The following RPS6KA2 variants were observed in gnomAD, a reference collection of about 807,000 sequenced individuals.
The protein encoded by RPS6KA2 is ribosomal protein S6 kinase alpha-2.
Under a neutral mutation model 91.8 loss-of-function variants are expected in RPS6KA2, and 42 were observed. That is an observed-to-expected ratio of 0.46 (90% CI 0.36 to 0.59). The LOEUF (loss-of-function observed/expected upper bound fraction) is 0.59. Ranked by LOEUF, RPS6KA2 falls within the 20% of genes least tolerant of loss-of-function variation. The probability of loss-of-function intolerance (pLI) is 0.00; values close to 1 mark genes in which losing one functional copy is unlikely to be tolerated. For missense variants in RPS6KA2, 798 were observed against 978.5 expected (o/e 0.82, Z 2.46); for synonymous variants, 414 against 393.6 (o/e 1.05, Z -0.61).
rs192413748 is a variant in RPS6KA2, at chr6:166,749,955, G to C, written c.123+108245C>G. 4.4e-3 allele frequency among the ~76,000 whole-genome samples: 665 copies of C among 151,944 alleles called. 9 individuals are homozygous for C. Among genetic ancestry groups the C allele is most frequent in the African/African-American group, 0.015 (641 of 41,454 alleles). ...GGATACTGAGTGAGGAAAACAGAGA[G>C]GGCGGTGGAGGTGGCCACACAGTCA... On this transcript the variant is annotated intron_variant, in intron 2 of 21. Coordinates refer to the RPS6KA2 transcript ENST00000503859.
chr6:166,547,777 T>G (rs1263074943), intron 1 of RPS6KA2, among the ~76,000 whole-genome samples: 5 of 152,218 alleles, frequency 3.3e-5, no homozygotes, highest in African/African-American at 1.2e-4. Context: ...AGTAACTGAG[T>G]CCGTGTTTTA....
chr6:166,455,578 G>T (rs150243447), intron 12 of RPS6KA2, among the ~76,000 whole-genome samples: 2 of 152,182 alleles, frequency 1.3e-5, no homozygotes, highest in East Asian at 3.8e-4. Flanking sequence ...AACTTCCAAC[G>T]CTCCAGACTA....
chr6:166,803,909 G>T (rs1779428004), intron 2 of RPS6KA2, among the ~76,000 whole-genome samples: 1 of 152,184 alleles, frequency 6.6e-6, no homozygotes, highest in African/African-American at 2.4e-5. Flanking sequence ...GTTAGAAAAT[G>T]TAATGTTGTT....
chr6:166,576,063 T>C, intron 1 of RPS6KA2, among the ~76,000 whole-genome samples: 1 of 152,154 alleles, frequency 6.6e-6, no homozygotes. Flanking sequence ...TCAGGAGATG[T>C]GATGGGTTTA....
chr6:166,429,527 T>G (rs1017208373), intron 16 of RPS6KA2, among the ~76,000 whole-genome samples: 8 of 152,218 alleles, frequency 5.3e-5, no homozygotes, highest in African/African-American at 1.7e-4. Flanking sequence ...CTTGGCTCAT[T>G]GCAACCTCTG....
rs1332639192 is a variant in RPS6KA2 at position 166,423,457 on chromosome 6, G to A, written c.1582-40C>T. On this transcript the variant is annotated intron_variant, in intron 16 of 20. Coordinates refer to ENST00000265678, the MANE Select transcript of RPS6KA2 (RefSeq NM_021135.6). This position sits in a 1 kb window ranked among gnomAD's most constrained non-coding sequence, Gnocchi z 4.8. ...GCACAGTGCCTACTTGGGGGCTGAG[G>A]ACTGAGCAGGAGAGGGAGGGCAGGT... The A allele has an allele frequency of 4.4e-6, 7 of 1,578,984 alleles. No individual in the cohort carries two copies. Among genetic ancestry groups the A allele is most frequent in the Non-Finnish European group, 6.1e-6 (7 of 1,155,196 alleles).
intron 3 of RPS6KA2, among the ~76,000 whole-genome samples, chr6:166,517,915 A>T (rs1352151680): frequency 6.6e-6 from 1 of 152,162 alleles, no homozygotes; most frequent in Non-Finnish European, 1.5e-5. Flanking sequence ...ACTTTTAGTA[A>T]ATCTTATGAC....
intron 3 of RPS6KA2, among the ~76,000 whole-genome samples, chr6:166,517,152 C>G (rs1216366931): frequency 6.6e-6 from 1 of 151,792 alleles, no homozygotes; most frequent in Non-Finnish European, 1.5e-5. Flanking sequence ...AAAATAAATC[C>G]CAGATCTATT....
chr6:166,540,493 T>G (rs1783620075), intron 1 of RPS6KA2, among the ~76,000 whole-genome samples: 1 of 152,164 alleles, frequency 6.6e-6, no homozygotes, highest in Non-Finnish European at 1.5e-5. Context: ...TAGCCAAAAT[T>G]GACTCTGTTT....
intron 1 of RPS6KA2, among the ~76,000 whole-genome samples, chr6:166,601,753 G>A (rs888558709): frequency 6.6e-6 from 1 of 152,080 alleles, no homozygotes; most frequent in South Asian, 2.1e-4. Flanking sequence ...AAGAATGCAA[G>A]TCATTAAAGA....
intron 2 of RPS6KA2, among the ~76,000 whole-genome samples, chr6:166,813,802 TTTCA>T (rs1169702154): frequency 3.3e-5 from 5 of 152,356 alleles, no homozygotes; most frequent in South Asian, 4.1e-4. Flanking sequence ...ATTATTCTTT[TTTCA>T]AAAGGAAATA....
At chr6:166,842,256 A>C (rs779283612) in intron 2 of RPS6KA2, among the ~76,000 whole-genome samples, 1 of 152,200 alleles carries the variant, frequency 6.6e-6, no homozygotes, top group Non-Finnish European at 1.5e-5. Flanking sequence ...GTCCCTCGAA[A>C]TGTGGCCTTG....
Position 166,849,299 on chromosome 6 carries a change from G to A in RPS6KA2, c.123+8901C>T, listed in dbSNP as rs991382127. Reference sequence around the variant, plus strand: ...CCATGCCTCTGCTGGTATGGCCCACGCAGAGCACTCCCTGTCACCCTATTT... The same window carrying A: ...CCATGCCTCTGCTGGTATGGCCCACACAGAGCACTCCCTGTCACCCTATTT... On this transcript the variant is annotated intron_variant, in intron 2 of 21. Coordinates refer to the RPS6KA2 transcript ENST00000503859. The surrounding 1 kb of genome is among the most constrained non-coding windows in gnomAD (Gnocchi z 4.9). 2.6e-5 allele frequency among the ~76,000 whole-genome samples: 4 copies of A among 152,206 alleles called. No homozygotes were observed. The highest frequency in any genetic ancestry group is 2.1e-4 in the South Asian group (1 of 4,828).
In RPS6KA2 at chr6:166,459,421, C is replaced by A; in HGVS notation, c.1075+28G>T. ...TAAGGGGTCAGGTGGGAGAAGCCACCGATAGAGGGAACCACTGTGGCACAC... is the reference window on the plus strand; with the variant it reads ...TAAGGGGTCAGGTGGGAGAAGCCACAGATAGAGGGAACCACTGTGGCACAC... On this transcript the variant is annotated intron_variant, in intron 12 of 20. Coordinates refer to ENST00000265678, the MANE Select transcript of RPS6KA2 (RefSeq NM_021135.6). This position sits in a 1 kb window ranked among gnomAD's most constrained non-coding sequence, Gnocchi z 4.9. The A allele has an allele frequency of 6.7e-7, 1 of 1,500,728 alleles. No homozygotes were observed. The highest frequency in any genetic ancestry group is 1.1e-5 in the South Asian group (1 of 87,860). 93.0% of individuals were successfully genotyped at this position (1,500,728 alleles called of 1,614,324 possible). A position where few individuals can be genotyped will look rare whatever the true frequency, so the allele number is the denominator to read the frequency against.
intron 10 of RPS6KA2, among the ~76,000 whole-genome samples, chr6:166,479,416 G>A (rs1391755010): frequency 3.3e-5 from 5 of 152,250 alleles, no homozygotes; most frequent in African/African-American, 1.2e-4. Context: ...GTGTGGTCCT[G>A]CAATCTGCCA....
At chr6:166,421,993 G>A (rs893978404) in intron 17 of RPS6KA2, among the ~76,000 whole-genome samples, 8 of 152,022 alleles carry the variant, frequency 5.3e-5, no homozygotes, top group African/African-American at 1.4e-4. Flanking sequence ...TCCACTTCCC[G>A]GGTTCAAGCG....
At chr6:166,442,416 C>T (rs1192613161) in intron 14 of RPS6KA2, among the ~76,000 whole-genome samples, 7 of 152,172 alleles carry the variant, frequency 4.6e-5, no homozygotes, top group Non-Finnish European at 1.0e-4. Flanking sequence ...TGCGACTTCT[C>T]GCATATGTGT....
intron 11 of RPS6KA2, among the ~76,000 whole-genome samples, chr6:166,466,224 C>A (rs1278822616): frequency 1.3e-5 from 2 of 152,216 alleles, no homozygotes; most frequent in Non-Finnish European, 1.5e-5. Context: ...GACCAGAGCA[C>A]CCTGAGCAGA....
In RPS6KA2 at chr6:166,485,893, G is replaced by A. The variant is rs1295624771; in HGVS notation, c.907+2940C>T. Among the ~76,000 whole-genome samples the A allele has an allele frequency of 2.0e-5, 3 of 152,192 alleles. No homozygotes were observed. The East Asian group carries it at 5.8e-4, about 29-fold the overall frequency. On this transcript the variant is annotated intron_variant, in intron 10 of 20. Coordinates refer to ENST00000265678, the MANE Select transcript of RPS6KA2 (RefSeq NM_021135.6). ...ACCACTGGGACCCCACCCTCAGGGG[G>A]TGAGGTCTTGCCCATGACAGGCCCT...
Sources: gnomAD v4.1 joint callset for allele counts (sites outside exome capture counted in the v4.1 genomes callset) on GRCh38, gnomAD v4.1.1 for gene constraint, Gnocchi (gnomAD v3.1) non-coding constraint, MANE v1.5 for transcripts, NCBI Gene and HGNC (gene_info 2026-07-23, HGNC 2026-07-21) for gene names.